The following LEPR variants were observed in gnomAD, a reference collection of about 807,000 sequenced individuals.
The protein encoded by LEPR is leptin receptor.
In LEPR, 56 loss-of-function variants were observed where a neutral mutation model predicts 114.7. That is an observed-to-expected ratio of 0.49 (90% CI 0.39 to 0.61). The LOEUF (loss-of-function observed/expected upper bound fraction) is 0.61, where lower values mean the gene tolerates loss of function less well. Ranked by LOEUF, LEPR falls within the 20% of genes least tolerant of loss-of-function variation. LEPR has a pLI of 0.00. For missense variants in LEPR, 1,202 were observed against 1,352.9 expected, an observed-to-expected ratio of 0.89 and a Z score of 1.75; for synonymous variants, 443 against 461.4, an observed-to-expected ratio of 0.96 and a Z score of 0.51.
Position 65,641,232 on chromosome 1 carries a change from A to C in LEPR, c.*4217A>C, listed in dbSNP as rs1644865138. 1 of 152,152 alleles carries C rather than the reference A, an allele frequency of 6.6e-6. No homozygotes were observed. The highest frequency in any genetic ancestry group is 1.9e-4 in the East Asian group (1 of 5,204). 9.4% of individuals were successfully genotyped at this position (152,152 alleles called of 1,614,324 possible). On this transcript the variant is annotated 3_prime_UTR_variant, in exon 20 of 20. Coordinates refer to ENST00000349533, the MANE Select transcript of LEPR (RefSeq NM_002303.6). Reference sequence around the variant, plus strand: ...ATGAGGCTTTCTGACATATTTACTAAAAAAACCTGGAACTGAGACTGAATT... The same window carrying C: ...ATGAGGCTTTCTGACATATTTACTACAAAAACCTGGAACTGAGACTGAATT...
At chr1:65,549,241 AT>A (rs1339597255) in intron 2 of LEPR, among the ~76,000 whole-genome samples, 1 of 150,706 alleles carries the variant, frequency 6.6e-6, no homozygotes, top group African/African-American at 2.5e-5. Context: ...TGCCCTTAAC[AT>A]TTTTTCCTTC....
chr1:65,571,517 T>C (rs1654152223), intron 4 of LEPR, among the ~76,000 whole-genome samples: 1 of 152,076 alleles, frequency 6.6e-6, no homozygotes, highest in African/African-American at 2.4e-5. Flanking sequence ...CTCATCCATG[T>C]AGAGAGACCT....
chr1:65,528,245 G>A (rs1009112686), intron 2 of LEPR, among the ~76,000 whole-genome samples: 19 of 151,752 alleles, frequency 1.3e-4, no homozygotes, highest in Non-Finnish European at 5.9e-5. Context: ...TAAAGAGTAT[G>A]TCCTGTGGAG....
chr1:65,634,372 T>A, intron 19 of LEPR: 11 of 971,780 alleles, frequency 1.1e-5, no homozygotes, highest in South Asian at 4.8e-5. Context: ...AGTATGAAAT[T>A]ATGAAAGGAC....
intron 2 of LEPR, among the ~76,000 whole-genome samples, chr1:65,454,592 A>G (rs1646840405): frequency 6.6e-6 from 1 of 152,048 alleles, no homozygotes; most frequent in Non-Finnish European, 1.5e-5. Flanking sequence ...CTTTTCTTTA[A>G]GAATGTTGAA....
chr1:65,505,705 G>A (rs1451479227), intron 2 of LEPR, among the ~76,000 whole-genome samples: 1 of 151,590 alleles, frequency 6.6e-6, no homozygotes, highest in Non-Finnish European at 1.5e-5. Flanking sequence ...CAAACTAAGA[G>A]GGAGTAATGG....
intron 5 of LEPR, among the ~76,000 whole-genome samples, chr1:65,582,104 A>G (rs1570747315): frequency 1.3e-5 from 2 of 152,282 alleles, no homozygotes; most frequent in East Asian, 3.9e-4. Context: ...TCAGGTTTTC[A>G]TTATGGCAGC....
chr1:65,635,480 C>T (rs772260951), intron 19 of LEPR: 137 of 647,812 alleles, frequency 2.1e-4, no homozygotes, highest in East Asian at 1.5e-3. Flanking sequence ...AATATTTTTA[C>T]GTGAAGTTAT....
At chr1:65,565,095 C>T (rs1454861683) in intron 2 of LEPR, among the ~76,000 whole-genome samples, 3 of 152,032 alleles carry the variant, frequency 2.0e-5, no homozygotes, top group African/African-American at 7.2e-5. Flanking sequence ...GTTACCTATG[C>T]AATAATTATT....
rs187052778 is a variant in LEPR, at chr1:65,513,583, G to A, written c.-20-51963G>A. ...TCAGGGAATAGGCCTGGTGGGTTTTGCTGTCAAATCCCATTATACTCCTGC... is the reference window on the plus strand; with the variant it reads ...TCAGGGAATAGGCCTGGTGGGTTTTACTGTCAAATCCCATTATACTCCTGC... On this transcript the variant is annotated intron_variant, in intron 2 of 19. Transcript: ENST00000349533. Among the ~76,000 whole-genome samples, 8 of 152,268 alleles carry A rather than the reference G, an allele frequency of 5.3e-5. No homozygotes were observed. The East Asian group carries it at 1.4e-3, about 26-fold the overall frequency.
intron 12 of LEPR, 143 bp from the exon 13 acceptor site, chr1:65,609,804 G>A: frequency 8.5e-7 from 1 of 1,172,678 alleles, no homozygotes; most frequent in South Asian, 1.3e-5. Flanking sequence ...GCCTAATTGT[G>A]ACTATTTCTG....
chr1:65,614,460 A>C lies in LEPR; in HGVS notation c.1996-1548A>C, dbSNP rs942313252. ...AAAGGCCACTTTGGAACTTGAGTGGAGTTGTTGGAAATGTGTGGAATCTTA... is the reference window on the plus strand; with the variant it reads ...AAAGGCCACTTTGGAACTTGAGTGGCGTTGTTGGAAATGTGTGGAATCTTA... On this transcript the variant is annotated intron_variant, in intron 14 of 19. Transcript: ENST00000349533. 7.9e-5 allele frequency among the ~76,000 whole-genome samples: 12 copies of C among 152,336 alleles called. No individual in the cohort carries two copies. The East Asian group carries it at 2.1e-3, about 27-fold the overall frequency.
intron 2 of LEPR, among the ~76,000 whole-genome samples, chr1:65,554,170 A>G (rs1394826277): frequency 6.6e-6 from 1 of 152,138 alleles, no homozygotes; most frequent in Non-Finnish European, 1.5e-5. Flanking sequence ...TCTCTCAGTC[A>G]AGAGGCAGGG....
chr1:65,618,150 A>G lies in LEPR; in HGVS notation c.2395+4A>G, dbSNP rs1424531257. ...GTTAAGAAGTATTATATCCATGGTA[A>G]GTTTACTATACTTTAGTAAGTTGCT... On this transcript the variant is annotated splice_donor_region_variant and intron_variant, in intron 16 of 19. Transcript: ENST00000349533. The G allele has an allele frequency of 6.2e-7, 1 of 1,600,358 alleles. No homozygotes were observed. Among genetic ancestry groups the G allele is most frequent in the African/African-American group, 1.3e-5 (1 of 74,762 alleles).
chr1:65,484,242 A>G (rs1647361735), intron 2 of LEPR, among the ~76,000 whole-genome samples: 1 of 152,156 alleles, frequency 6.6e-6, no homozygotes, highest in South Asian at 2.1e-4. Flanking sequence ...GGCCCATAGT[A>G]GGAGCTTAAT....
In LEPR at chr1:65,435,375, T is replaced by C. The variant is rs1035853092; in HGVS notation, c.-21+9997T>C. On this transcript the variant is annotated intron_variant, in intron 2 of 19. Coordinates refer to ENST00000349533, the MANE Select transcript of LEPR (RefSeq NM_002303.6). ...ATGTGCCTTTTCTTTTCTTTTTTTT[T>C]TTTTTTTTTTGAGGCAGAGTCTCGC... 421 of 948,582 alleles carry C rather than the reference T, an allele frequency of 4.4e-4. 1 individual carries two copies. The highest frequency in any genetic ancestry group is 5.1e-4 in the Admixed American group (8 of 15,828). The allele number at this position is 948,582 out of a possible 1,614,324, so 58.8% of individuals were successfully genotyped here.
chr1:65,484,845 A>G (rs181124695), intron 2 of LEPR, among the ~76,000 whole-genome samples: 1 of 152,318 alleles, frequency 6.6e-6, no homozygotes, highest in East Asian at 1.9e-4. Context: ...TGAAAATTGC[A>G]TGCTTCTTTT....
At chr1:65,437,302 C>G (rs1646576962) in intron 2 of LEPR, among the ~76,000 whole-genome samples, 1 of 152,056 alleles carries the variant, frequency 6.6e-6, no homozygotes, top group South Asian at 2.1e-4. Context: ...GTATGTTGCC[C>G]AGGCTCCCTG....
chr1:65,435,409 C>T (rs1646547733), intron 2 of LEPR: 27 of 820,354 alleles, frequency 3.3e-5, no homozygotes, highest in Non-Finnish European at 3.5e-5. Flanking sequence ...GCTCTGTTGC[C>T]CAGGCTGGAG....
Sources: gnomAD v4.1 joint callset for allele counts (sites outside exome capture counted in the v4.1 genomes callset) on GRCh38, gnomAD v4.1.1 for gene constraint, MANE v1.5 for transcripts, NCBI Gene and HGNC (gene_info 2026-07-23, HGNC 2026-07-21) for gene names.